The following FGF14 variants were observed in gnomAD, a reference collection of about 807,000 sequenced individuals.
FGF14 encodes the protein fibroblast growth factor homologous factor 4.
A neutral mutation model predicts 25.5 loss-of-function variants in FGF14; 5 were observed. The ratio of observed to expected loss-of-function variants is 0.20; its 90% CI spans 0.10 to 0.41. The LOEUF (loss-of-function observed/expected upper bound fraction) is 0.41. Among genes scored for constraint, FGF14 ranks in the 10% least tolerant of loss-of-function variants. The pLI is 1.00. For missense variants in FGF14, 222 were observed against 320.1 expected, an observed-to-expected ratio of 0.69 and a Z score of 2.34; for synonymous variants, 138 against 118.3, an observed-to-expected ratio of 1.17 and a Z score of -1.08.
At chr13:102,121,793 G>C (rs927858943) in intron 1 of FGF14, among the ~76,000 whole-genome samples, 1 of 152,220 alleles carries the variant, frequency 6.6e-6, no homozygotes, top group African/African-American at 2.4e-5. Flanking sequence ...AAAGTTAATG[G>C]AGTGTAAATT....
intron 1 of FGF14, chr13:102,294,061 AC>A (rs2054569494): frequency 6.6e-6 from 1 of 152,180 alleles, no homozygotes; most frequent in African/African-American, 2.4e-5. Flanking sequence ...AAAAAAATGA[AC>A]AAACACTTAA....
At chr13:102,094,831 G>C (rs947723766) in intron 1 of FGF14, among the ~76,000 whole-genome samples, 1 of 151,976 alleles carries the variant, frequency 6.6e-6, no homozygotes, top group African/African-American at 2.4e-5. Flanking sequence ...TTTAATACCG[G>C]ACAATGCTCC....
At chr13:102,106,567 C>T (rs1397791586) in intron 1 of FGF14, among the ~76,000 whole-genome samples, 1 of 116,056 alleles carries the variant, frequency 8.6e-6, no homozygotes, top group Non-Finnish European at 1.7e-5. Flanking sequence ...AACAGTGAAA[C>T]TCTGTCGAAA....
chr13:101,978,989 C>A (rs2038093873), intron 1 of FGF14, among the ~76,000 whole-genome samples: 2 of 152,208 alleles, frequency 1.3e-5, no homozygotes, highest in Admixed American at 6.5e-5. Context: ...GCCAAGAGAG[C>A]AGCCATGGGC....
chr13:101,926,106 C>A (rs1319784165), intron 1 of FGF14, among the ~76,000 whole-genome samples: 1 of 152,160 alleles, frequency 6.6e-6, no homozygotes. Flanking sequence ...TCTGCAAAAT[C>A]GTGTAAACTG....
At chr13:102,111,003 C>T (rs1382136655) in intron 1 of FGF14, among the ~76,000 whole-genome samples, 2 of 152,190 alleles carry the variant, frequency 1.3e-5, no homozygotes, top group African/African-American at 4.8e-5. Flanking sequence ...GTTCCTGAGA[C>T]CTTCATTTAC....
At chr13:102,078,135 G>A (rs653187) in intron 1 of FGF14, among the ~76,000 whole-genome samples, 5,282 of 152,184 alleles carry the variant, frequency 0.035, 283 homozygotes, top group African/African-American at 0.12. Context: ...CCAGGGGTAC[G>A]GGGTGGGGGC....
intron 1 of FGF14, among the ~76,000 whole-genome samples, chr13:102,200,948 A>G (rs2049599011): frequency 6.6e-6 from 1 of 151,728 alleles, no homozygotes; most frequent in Non-Finnish European, 1.5e-5. Context: ...TAAAAACACA[A>G]AAAATTAGCC....
chr13:102,055,081 T>TA (rs1311371918), intron 1 of FGF14, among the ~76,000 whole-genome samples: 5 of 152,200 alleles, frequency 3.3e-5, no homozygotes, highest in African/African-American at 1.2e-4. Flanking sequence ...CATACCCACT[T>TA]AAAGACTTAG....
intron 1 of FGF14, among the ~76,000 whole-genome samples, chr13:102,296,764 CA>C (rs1171313331): frequency 6.6e-6 from 1 of 152,092 alleles, no homozygotes; most frequent in African/African-American, 2.4e-5. Context: ...TGAAACAACC[CA>C]GGGAAACTAG....
intron 1 of FGF14, among the ~76,000 whole-genome samples, chr13:102,343,539 A>T (rs1173333016): frequency 6.6e-6 from 1 of 152,226 alleles, no homozygotes; most frequent in South Asian, 2.1e-4. Flanking sequence ...GATGAATCAC[A>T]TAATCAGATT....
At chr13:101,753,684 T>TC (rs754888266) in intron 3 of FGF14, among the ~76,000 whole-genome samples, 63 of 151,762 alleles carry the variant, frequency 4.2e-4, no homozygotes, top group Non-Finnish European at 7.1e-4. Flanking sequence ...ATGCCTGTAA[T>TC]CCCGGCTACT....
chr13:102,001,634 T>C (rs1011767996), intron 1 of FGF14, among the ~76,000 whole-genome samples: 2 of 152,286 alleles, frequency 1.3e-5, no homozygotes, highest in Non-Finnish European at 2.9e-5. Context: ...TTACATTACA[T>C]TATATGGTAG....
chr13:101,829,905 AT>A (rs1437634934), intron 3 of FGF14, among the ~76,000 whole-genome samples: 1 of 152,028 alleles, frequency 6.6e-6, no homozygotes, highest in African/African-American at 2.4e-5. Flanking sequence ...GAGGCTCACA[AT>A]TTTTAAGTGA....
chr13:101,817,026 C>T (rs1355550630), intron 3 of FGF14, among the ~76,000 whole-genome samples: 1 of 152,160 alleles, frequency 6.6e-6, no homozygotes, highest in Non-Finnish European at 1.5e-5. Flanking sequence ...ACTTTTCAGG[C>T]CACACCTCAC....
At chr13:101,906,139 C>T (rs1360028372) in intron 1 of FGF14, among the ~76,000 whole-genome samples, 1 of 152,148 alleles carries the variant, frequency 6.6e-6, no homozygotes, top group Non-Finnish European at 1.5e-5. Flanking sequence ...GATCAGATCC[C>T]ACCCCAGAGA....
At chr13:102,157,256 T>G (rs2047387097) in intron 1 of FGF14, among the ~76,000 whole-genome samples, 1 of 152,182 alleles carries the variant, frequency 6.6e-6, no homozygotes, top group South Asian at 2.1e-4. Context: ...GACTTCAAAC[T>G]ATACTACAAC....
At chr13:102,182,481 G>T (rs2048717365) in intron 1 of FGF14, among the ~76,000 whole-genome samples, 1 of 152,106 alleles carries the variant, frequency 6.6e-6, no homozygotes, top group Non-Finnish European at 1.5e-5. Context: ...GGCTGCAACA[G>T]AAAACTAATA....
chr13:101,911,543 T>G (rs1028356036), intron 1 of FGF14, among the ~76,000 whole-genome samples: 1 of 152,178 alleles, frequency 6.6e-6, no homozygotes, highest in African/African-American at 2.4e-5. Context: ...AAATATGGAC[T>G]GTGAAATCAT....
Sources: allele counts gnomAD v4.1 joint callset (sites outside exome capture counted in the v4.1 genomes callset), GRCh38; gene constraint gnomAD v4.1.1; transcripts MANE v1.5; gene names NCBI Gene and HGNC (gene_info 2026-07-23, HGNC 2026-07-21).